LSG1: variants seen among roughly 807,000 people sequenced by gnomAD.
LSG1 encodes large 60S subunit nuclear export GTPase 1.
Under a neutral mutation model 82.6 loss-of-function variants are expected in LSG1, and 55 were observed. That is an observed-to-expected ratio of 0.67 (90% CI 0.54 to 0.83). LSG1 has a LOEUF of 0.83. Among genes scored for constraint, LSG1 ranks in the 40% least tolerant of loss-of-function variants. The pLI is 0.00. For synonymous variants in LSG1, 272 were observed against 282.5 expected (o/e 0.96, Z 0.37); for missense variants, 809 against 807.9 (o/e 1.00, Z -0.02).
At chr3:194,653,779 T>C (rs1718737307) in intron 7 of LSG1, among the ~76,000 whole-genome samples, 1 of 152,208 alleles carries the variant, frequency 6.6e-6, no homozygotes, top group African/African-American at 2.4e-5. Context: ...CTCACGCCTG[T>C]AATCCCAGCG....
chr3:194,642,737 G>A (rs73085075), intron 13 of LSG1, among the ~76,000 whole-genome samples: 6,281 of 152,178 alleles, frequency 0.041, 426 homozygotes, highest in African/African-American at 0.14. Context: ...TTAGAAACCT[G>A]TAAACATTTA....
At chr3:194,644,207 A>G (rs1348969896) in intron 13 of LSG1, among the ~76,000 whole-genome samples, 2 of 151,746 alleles carry the variant, frequency 1.3e-5, no homozygotes, top group African/African-American at 4.8e-5. Context: ...CTAAAAATAC[A>G]GAAAATTAGC....
intron 1 of LSG1, 22 bp downstream of exon 1, chr3:194,672,042 A>G (rs1191986659): frequency 6.2e-7 from 1 of 1,604,766 alleles, no homozygotes; most frequent in Non-Finnish European, 8.5e-7. Flanking sequence ...AAAGATAAGA[A>G]AGATGACATG....
chr3:194,670,562 A>G (rs1719123461), intron 1 of LSG1, among the ~76,000 whole-genome samples: 1 of 152,242 alleles, frequency 6.6e-6, no homozygotes, highest in Admixed American at 6.5e-5. Context: ...GTATGTACAT[A>G]TAATGATACA....
chr3:194,658,373 C>A (rs1440244166), intron 7 of LSG1, among the ~76,000 whole-genome samples: 1 of 152,098 alleles, frequency 6.6e-6, no homozygotes, highest in Non-Finnish European at 1.5e-5. Context: ...TCTCGAACTC[C>A]CGACCTCAGG....
intron 12 of LSG1, 66 bp downstream of exon 12, chr3:194,646,098 A>C (rs1312020920): frequency 6.8e-7 from 1 of 1,479,690 alleles, no homozygotes; most frequent in Non-Finnish European, 9.4e-7. Flanking sequence ...GGTTACCATT[A>C]TCTAAGAACG....
rs139196692 is a variant in LSG1, at chr3:194,653,018, C to T, written c.884G>A (p.Ser295Asn). 3.4e-4 allele frequency: 555 copies of T among 1,614,206 alleles called. 5 individuals are homozygous for T. In the African/African-American group the frequency reaches 5.5e-3, roughly 16 times the overall value. The change falls in exon 8 of 14, where the codon AGT becomes AAT. Residue 295 changes from serine (S) to asparagine (N), a missense_variant. Transcript: ENST00000265245. ...HLPARDSPSL[S>N]ENPTTDEDDS... ...ATCTTCATCCGTTGTGGGATTTTCACTAAGTGAAGGAGAATCCCTAGCTGG... is the reference window on the plus strand; with the variant it reads ...ATCTTCATCCGTTGTGGGATTTTCATTAAGTGAAGGAGAATCCCTAGCTGG...
At chr3:194,663,004 A>G (rs927841840) in intron 5 of LSG1, among the ~76,000 whole-genome samples, 14 of 152,238 alleles carry the variant, frequency 9.2e-5, no homozygotes, top group Non-Finnish European at 2.1e-4. Context: ...CTCTTCCGTA[A>G]AAGTCAGAAA....
chr3:194,644,935 A>C, intron 12 of LSG1, 189 bp from the exon 13 acceptor site: 1 of 418,326 alleles, frequency 2.4e-6, no homozygotes, highest in South Asian at 8.6e-5. Context: ...TGTTCTAGAG[A>C]CCTAGCTCTT....
chr3:194,652,031 C>A (rs906892205), intron 8 of LSG1, among the ~76,000 whole-genome samples: 3 of 152,168 alleles, frequency 2.0e-5, no homozygotes, highest in Non-Finnish European at 2.9e-5. Context: ...ATTAGCTACA[C>A]TTAGCATGTA....
At chr3:194,642,291 T>C in intron 13 of LSG1, 44 bp from the exon 14 acceptor site, 1 of 1,564,294 alleles carries the variant, frequency 6.4e-7, no homozygotes, top group Non-Finnish European at 8.8e-7. Context: ...CAGCAGGCTA[T>C]CCTTTAAGGG....
chr3:194,646,033 C>T, intron 12 of LSG1, 131 bp downstream of exon 12: 1 of 837,702 alleles, frequency 1.2e-6, no homozygotes, highest in Non-Finnish European at 2.0e-6. Context: ...AACTACCCTA[C>T]ATCAAGAACA....
chr3:194,666,691 AT>A, intron 2 of LSG1, 119 bp from the exon 3 acceptor site: 2 of 796,538 alleles, frequency 2.5e-6, no homozygotes, highest in Non-Finnish European at 2.0e-6. Flanking sequence ...AGATTTCTTG[AT>A]TTAGATTCTT....
intron 12 of LSG1, chr3:194,645,539 C>CACACACACACACAGACAG (rs1718516464): frequency 3.1e-5 from 1 of 32,386 alleles, no homozygotes; most frequent in African/African-American, 1.0e-4. Context: ...CAGACAGACA[C>CACACACACACACAGACAG]ACACACACAC....
chr3:194,672,027 A>T (rs1231323464), intron 1 of LSG1, 37 bp downstream of exon 1: 6 of 1,584,184 alleles, frequency 3.8e-6, no homozygotes, highest in Non-Finnish European at 5.2e-6. Context: ...CTCAGGCTAG[A>T]CAGAAAAGAT....
At chr3:194,667,208 G>A (rs1328872650) in intron 2 of LSG1, among the ~76,000 whole-genome samples, 3 of 151,876 alleles carry the variant, frequency 2.0e-5, no homozygotes, top group Admixed American at 1.3e-4. Flanking sequence ...GCACCACCAC[G>A]CCCGGCTAAT....
chr3:194,657,455 T>A lies in LSG1; in HGVS notation c.759+1502A>T, dbSNP rs13318710. ...TAAAGATGGGATGAGGTTTGCTTAG[T>A]AAGTTTTTTTTTTTTTTTTTTTGAT... On this transcript the variant is annotated intron_variant, in intron 7 of 13. Transcript: ENST00000265245. Among the ~76,000 whole-genome samples the A allele has an allele frequency of 4.1e-3, 453 of 109,260 alleles. 2 individuals are homozygous for A. The highest frequency in any genetic ancestry group is 0.013 in the African/African-American group (423 of 33,780). 71.7% of individuals were successfully genotyped at this position (109,260 alleles called of 152,430 possible).
chr3:194,666,335 A>G (rs1236647368), intron 3 of LSG1, 46 bp from the exon 4 acceptor site: 1 of 1,606,030 alleles, frequency 6.2e-7, no homozygotes, highest in Non-Finnish European at 8.5e-7. Context: ...TAAGTAACCA[A>G]AATAAAATAG....
chr3:194,662,330 A>G (rs1718950751), intron 5 of LSG1, among the ~76,000 whole-genome samples: 1 of 152,252 alleles, frequency 6.6e-6, no homozygotes, highest in Admixed American at 6.5e-5. Flanking sequence ...GGCACAGGGA[A>G]AATGGGAAAG....
Sources: gnomAD v4.1 joint callset for allele counts (sites outside exome capture counted in the v4.1 genomes callset) on GRCh38, gnomAD v4.1.1 for gene constraint, MANE v1.5 for transcripts, NCBI Gene and HGNC (gene_info 2026-07-23, HGNC 2026-07-21) for gene names.